The following NAV2 variants were observed in gnomAD, a reference collection of about 807,000 sequenced individuals.
The protein encoded by NAV2 is neuron navigator 2, also known as helicase, APC down-regulated 1.
In NAV2, 54 loss-of-function variants were observed where a neutral mutation model predicts 223.2. That is an observed-to-expected ratio of 0.24 (90% CI 0.19 to 0.30). The LOEUF is 0.30. Ranked by LOEUF, NAV2 falls within the 10% of genes least tolerant of loss-of-function variation. The probability of loss-of-function intolerance (pLI) is 1.00; values close to 1 mark genes in which losing one functional copy is unlikely to be tolerated. For synonymous variants in NAV2, 1,279 were observed against 1,239.3 expected (o/e 1.03, Z -0.67); for missense variants, 2,806 against 3,147.5 (o/e 0.89, Z 2.60).
chr11:20,074,858 G>C (rs2059627663), intron 22 of NAV2, among the ~76,000 whole-genome samples: 1 of 149,118 alleles, frequency 6.7e-6, no homozygotes, highest in Non-Finnish European at 1.5e-5. Context: ...TGGGTCTCCT[G>C]AATACAGCAC....
At chr11:19,747,416 A>G (rs2053465118) in intron 1 of NAV2, among the ~76,000 whole-genome samples, 1 of 152,192 alleles carries the variant, frequency 6.6e-6, no homozygotes. Context: ...TATAGCTGTG[A>G]AACCTGAGGC....
At chr11:19,547,374 A>C (rs1173967082) in intron 1 of NAV2, among the ~76,000 whole-genome samples, 1 of 152,226 alleles carries the variant, frequency 6.6e-6, no homozygotes, top group East Asian at 1.9e-4. Context: ...TATGAAACAC[A>C]AAACTGCTGA....
In NAV2 at chr11:20,048,847, C is replaced by G. The variant is rs771679617; in HGVS notation, c.4022C>G (p.Pro1341Arg). The G allele has an allele frequency of 3.1e-6, 5 of 1,614,032 alleles. No homozygotes were observed. In the Admixed American group the frequency reaches 6.7e-5, roughly 22 times the overall value. The change falls in exon 15 of 38, where the codon CCG (proline) becomes CGG (arginine). Residue 1341 changes from proline to arginine, a missense_variant. Physicochemically the swap from Pro to Arg is moderately radical, Grantham distance 103. Transcript: ENST00000349880. ...TMTQQGNLDS[P>R]SGSGVLSSGS... ...ACTCAGCAAGGTAACCTAGACTCCC[C>G]GTCAGGCAGTGGCGTCCTGAGCAGT...
intron 1 of NAV2, among the ~76,000 whole-genome samples, chr11:19,391,687 GA>G (rs1358521880): frequency 6.6e-6 from 1 of 152,006 alleles, no homozygotes; most frequent in East Asian, 1.9e-4. Flanking sequence ...GGCAGTGGGG[GA>G]GGGGCAGGAA....
At chr11:19,687,741 G>T (rs1374791834) in intron 1 of NAV2, among the ~76,000 whole-genome samples, 2 of 146,626 alleles carry the variant, frequency 1.4e-5, no homozygotes, top group Non-Finnish European at 2.9e-5. Flanking sequence ...GTGTGTACAT[G>T]TGTGTGTGCA....
At position 19,933,685 on chromosome 11, in the gene NAV2, T is replaced by C; in HGVS notation, c.1441T>C (p.Ser481Pro). 6.2e-7 allele frequency: 1 copy of C among 1,613,980 alleles called. No individual in the cohort carries two copies. Among genetic ancestry groups the C allele is most frequent in the African/African-American group, 1.3e-5 (1 of 74,982 alleles). ...FSRALTNKKSSLKGNEKEKEK... is the reference protein window; with the variant it reads ...FSRALTNKKSPLKGNEKEKEK... Reference sequence around the variant, plus strand: ...CCGGGCACTGACCAACAAGAAGAGTTCTCTGAAAGGCAATGAGAAAGAGAA... The same window carrying C: ...CCGGGCACTGACCAACAAGAAGAGTCCTCTGAAAGGCAATGAGAAAGAGAA... The change falls in exon 7 of 38, where the codon TCT (serine) becomes CCT (proline). Residue 481 changes from serine (S) to proline (P), a missense_variant. Transcript: ENST00000349880. The surrounding 1 kb of genome is among the most constrained non-coding windows in gnomAD (Gnocchi z 4.3).
At chr11:19,461,214 A>G (rs1852145565) in intron 1 of NAV2, among the ~76,000 whole-genome samples, 1 of 152,116 alleles carries the variant, frequency 6.6e-6, no homozygotes, top group South Asian at 2.1e-4. Context: ...TGCACCATGG[A>G]GATTCCCTTC....
At chr11:19,963,856 A>G (rs1045520930) in intron 10 of NAV2, among the ~76,000 whole-genome samples, 1 of 152,188 alleles carries the variant, frequency 6.6e-6, no homozygotes, top group Non-Finnish European at 1.5e-5. Context: ...TCAAGAGCCA[A>G]TTCTGCACAG....
At chr11:19,395,571 C>T (rs1445952003) in intron 1 of NAV2, among the ~76,000 whole-genome samples, 2 of 152,244 alleles carry the variant, frequency 1.3e-5, no homozygotes, top group African/African-American at 2.4e-5. Context: ...CTGAACCATG[C>T]AGGCGGCTGA....
At chr11:19,488,460 C>T (rs1023673833) in intron 1 of NAV2, among the ~76,000 whole-genome samples, 5 of 152,262 alleles carry the variant, frequency 3.3e-5, no homozygotes, top group East Asian at 3.9e-4. Flanking sequence ...TGCTTAATCA[C>T]GTGGCACAAA....
At chr11:19,536,314 C>T (rs1488131371) in intron 1 of NAV2, among the ~76,000 whole-genome samples, 3 of 152,192 alleles carry the variant, frequency 2.0e-5, no homozygotes, top group South Asian at 2.1e-4. Context: ...CTCTCTCTGT[C>T]GACTGCACTA....
At chr11:19,355,151 C>T (rs192917248) in intron 1 of NAV2, among the ~76,000 whole-genome samples, 82 of 152,200 alleles carry the variant, frequency 5.4e-4, no homozygotes, top group African/African-American at 1.9e-3. Context: ...AAGGGAATGA[C>T]TTTTTGATTG....
At chr11:19,935,995 G>C (rs2045865254) in intron 7 of NAV2, among the ~76,000 whole-genome samples, 1 of 150,544 alleles carries the variant, frequency 6.6e-6, no homozygotes, top group Non-Finnish European at 1.5e-5. Context: ...GAGCAGCTGG[G>C]ACTACAGGTG....
intron 1 of NAV2, among the ~76,000 whole-genome samples, chr11:19,440,618 G>A (rs980910950): frequency 6.6e-6 from 1 of 152,208 alleles, no homozygotes; most frequent in African/African-American, 2.4e-5. Flanking sequence ...AGTACTGACT[G>A]TGTTAGGTTA....
intron 1 of NAV2, among the ~76,000 whole-genome samples, chr11:19,444,691 C>T (rs1416876225): frequency 6.7e-6 from 1 of 148,784 alleles, no homozygotes; most frequent in Non-Finnish European, 1.5e-5. Context: ...TTAATAATTA[C>T]ATTGTTATTG....
At chr11:19,805,075 G>C (rs867151137) in intron 1 of NAV2, among the ~76,000 whole-genome samples, 1 of 152,166 alleles carries the variant, frequency 6.6e-6, no homozygotes, top group African/African-American at 2.4e-5. Context: ...TAGGTGCTTG[G>C]GAATGGTTTC....
intron 11 of NAV2, among the ~76,000 whole-genome samples, chr11:20,001,116 C>G (rs1247941758): frequency 6.6e-6 from 1 of 152,166 alleles, no homozygotes; most frequent in Non-Finnish European, 1.5e-5. Context: ...GCACCAAACA[C>G]TTGGCAGTCT....
At position 20,090,845 on chromosome 11, in the gene NAV2, T is replaced by C. The variant is rs2060793450; in HGVS notation, c.5499-20T>C. On this transcript the variant is annotated intron_variant, in intron 26 of 37. Transcript: ENST00000349880. ...GACTAAAAGGAGCTGCTTTCATCAG[T>C]AACATTCCTCTTTCCCTAGAATTTC... 2 of 1,612,514 alleles carry C rather than the reference T, an allele frequency of 1.2e-6. No homozygotes were observed. The highest frequency in any genetic ancestry group is 1.7e-6 in the Non-Finnish European group (2 of 1,178,980).
intron 3 of NAV2, among the ~76,000 whole-genome samples, chr11:19,854,781 A>G (rs1289502730): frequency 6.6e-6 from 1 of 152,166 alleles, no homozygotes; most frequent in Non-Finnish European, 1.5e-5. Context: ...TTAGAACCTA[A>G]ATATCTTCCC....
Sources: allele counts gnomAD v4.1 joint callset (sites outside exome capture counted in the v4.1 genomes callset), GRCh38; gene constraint gnomAD v4.1.1; non-coding constraint Gnocchi (gnomAD v3.1); transcripts MANE v1.5; gene names NCBI Gene and HGNC (gene_info 2026-07-23, HGNC 2026-07-21).